MAP4K3: variants seen among roughly 807,000 people sequenced by gnomAD.
MAP4K3 encodes the protein MAPK/ERK kinase kinase kinase 3.
A neutral mutation model predicts 143.5 loss-of-function variants in MAP4K3; 94 were observed. The observed-to-expected ratio is 0.65, with a 90% confidence interval of 0.55 to 0.78. The LOEUF (loss-of-function observed/expected upper bound fraction) is 0.78, where lower values mean the gene tolerates loss of function less well. Ranked by LOEUF, MAP4K3 falls within the 30% of genes least tolerant of loss-of-function variation. MAP4K3 has a pLI of 0.00. For synonymous variants in MAP4K3, 416 were observed against 347.2 expected (o/e 1.20, Z -2.20); for missense variants, 1,077 against 1,068.1 (o/e 1.01, Z -0.12).
chr2:39,429,975 C>G (rs1198968352), intron 1 of MAP4K3, among the ~76,000 whole-genome samples: 4 of 152,148 alleles, frequency 2.6e-5, no homozygotes, highest in African/African-American at 4.8e-5. Context: ...ATACAAAGTT[C>G]TAAAAGAGCT....
intron 32 of MAP4K3, 55 bp downstream of exon 32, chr2:39,254,391 CTGTT>C (rs1680266013): frequency 1.5e-6 from 2 of 1,318,226 alleles, no homozygotes; most frequent in Non-Finnish European, 2.2e-6. Flanking sequence ...AGGAATCGAA[CTGTT>C]TGAAGTGGAA....
intron 1 of MAP4K3, among the ~76,000 whole-genome samples, chr2:39,430,957 C>T (rs1572519963): frequency 6.6e-6 from 1 of 152,260 alleles, no homozygotes; most frequent in Non-Finnish European, 1.5e-5. Context: ...GTTTGTTCCT[C>T]TCGTGTTGGT....
intron 1 of MAP4K3, among the ~76,000 whole-genome samples, chr2:39,413,073 C>A (rs1434183292): frequency 1.3e-5 from 2 of 152,140 alleles, no homozygotes; most frequent in African/African-American, 4.8e-5. Flanking sequence ...TATAAAATGT[C>A]AAGCTTTTTG....
intron 20 of MAP4K3, among the ~76,000 whole-genome samples, chr2:39,287,175 T>C (rs1305746336): frequency 6.6e-6 from 1 of 152,236 alleles, no homozygotes; most frequent in Non-Finnish European, 1.5e-5. Context: ...TTAGGCAAAT[T>C]TAAATTCAGG....
chr2:39,320,611 A>G (rs1477737913), intron 12 of MAP4K3, among the ~76,000 whole-genome samples: 1 of 151,954 alleles, frequency 6.6e-6, no homozygotes, highest in Non-Finnish European at 1.5e-5. Flanking sequence ...AACTTCATAC[A>G]GGAATATTCT....
chr2:39,371,852 CATCT>C (rs931113377), intron 2 of MAP4K3, among the ~76,000 whole-genome samples: 12 of 151,186 alleles, frequency 7.9e-5, no homozygotes, highest in South Asian at 6.3e-4. Context: ...CATACACACA[CATCT>C]ATCTATATAC....
At chr2:39,432,829 A>G (rs968659607) in intron 1 of MAP4K3, among the ~76,000 whole-genome samples, 3 of 152,246 alleles carry the variant, frequency 2.0e-5, no homozygotes, top group African/African-American at 7.2e-5. Context: ...ATCTATTTAC[A>G]CAGACTACGA....
intron 4 of MAP4K3, among the ~76,000 whole-genome samples, 171 bp from the exon 5 acceptor site, chr2:39,337,752 G>GTTTTTTTTTTTTTTTTTTT (rs570853243): frequency 1.4e-5 from 1 of 70,512 alleles, no homozygotes; most frequent in Non-Finnish European, 2.4e-5. Context: ...CCTGGCTCCA[G>GTTTTTTTTTTTTTTTTTTT]TTTTTTTTTT....
intron 24 of MAP4K3, among the ~76,000 whole-genome samples, chr2:39,275,091 GT>G (rs1354158903): frequency 2.0e-5 from 3 of 152,102 alleles, no homozygotes; most frequent in African/African-American, 7.2e-5. Flanking sequence ...GAAGGGCAAT[GT>G]TTCAAAAAAA....
At chr2:39,430,078 T>C (rs59896787) in intron 1 of MAP4K3, among the ~76,000 whole-genome samples, 4,581 of 152,278 alleles carry the variant, frequency 0.03, 235 homozygotes, top group African/African-American at 0.1. Flanking sequence ...CTCATGCTGC[T>C]AATAAAGACA....
At chr2:39,310,042 T>C (rs1273718427) in intron 13 of MAP4K3, among the ~76,000 whole-genome samples, 1 of 152,188 alleles carries the variant, frequency 6.6e-6, no homozygotes, top group Non-Finnish European at 1.5e-5. Flanking sequence ...GATACACGTG[T>C]ACAATGTGTA....
chr2:39,254,849 G>C (rs1240625565), intron 31 of MAP4K3, among the ~76,000 whole-genome samples: 3 of 152,082 alleles, frequency 2.0e-5, no homozygotes, highest in Non-Finnish European at 4.4e-5. Flanking sequence ...CAAAGTGCCA[G>C]GGTTAAAGCC....
rs960117783 is a variant in MAP4K3, at chr2:39,318,910, T to C, written c.919-3522A>G. 2.6e-5 allele frequency among the ~76,000 whole-genome samples: 4 copies of C among 152,134 alleles called. No homozygotes were observed. In the South Asian group the frequency reaches 8.3e-4, roughly 31 times the overall value. On this transcript the variant is annotated intron_variant, in intron 12 of 33. Transcript: ENST00000263881. ...ACATAGACAGTATGATAAATCCTAG[T>C]TGACATAAGCCAGTGGTTTTTGACC...
intron 13 of MAP4K3, among the ~76,000 whole-genome samples, chr2:39,313,737 T>C (rs1683021482): frequency 6.6e-6 from 1 of 152,134 alleles, no homozygotes; most frequent in African/African-American, 2.4e-5. Flanking sequence ...GGTCTCCAGC[T>C]CCTGACCTCA....
At chr2:39,346,212 G>A (rs1460530604) in intron 3 of MAP4K3, among the ~76,000 whole-genome samples, 1 of 152,036 alleles carries the variant, frequency 6.6e-6, no homozygotes, top group African/African-American at 2.4e-5. Flanking sequence ...TCCTTTATTT[G>A]ATCACTGTAT....
intron 4 of MAP4K3, among the ~76,000 whole-genome samples, chr2:39,342,180 C>T (rs1178408255): frequency 6.6e-6 from 1 of 150,978 alleles, no homozygotes; most frequent in Non-Finnish European, 1.5e-5. Context: ...GTTCTGTTGC[C>T]CAGGCTGTAG....
chr2:39,275,673 T>C (rs1238030577), intron 24 of MAP4K3, among the ~76,000 whole-genome samples: 3 of 152,176 alleles, frequency 2.0e-5, no homozygotes, highest in African/African-American at 7.2e-5. Flanking sequence ...CAAGATCCTT[T>C]TCCTCCCTTT....
chr2:39,250,547 TC>T lies in MAP4K3; in HGVS notation c.*70del. ...AGGTTACTGCAGCTTTTGTACAGCT[TC>T]AAGCATCCATTAATGTTGCAGTGGT... On this transcript the variant is annotated 3_prime_UTR_variant, in exon 34 of 34. Transcript: ENST00000263881. 7.2e-7 allele frequency: 1 copy of T among 1,390,252 alleles called. No individual in the cohort carries two copies. The allele number at this position is 1,390,252 out of a possible 1,614,324, so 86.1% of individuals were successfully genotyped here. A position where few individuals can be genotyped will look rare whatever the true frequency, so the allele number is the denominator to read the frequency against.
chr2:39,288,377 C>G (rs1681888949), intron 19 of MAP4K3, 97 bp from the exon 20 acceptor site: 8 of 1,077,796 alleles, frequency 7.4e-6, no homozygotes, highest in East Asian at 7.4e-5. Flanking sequence ...ATTATTTCTA[C>G]TATACATTAG....
Sources: gnomAD v4.1 joint callset for allele counts (sites outside exome capture counted in the v4.1 genomes callset) on GRCh38, gnomAD v4.1.1 for gene constraint, MANE v1.5 for transcripts, NCBI Gene and HGNC (gene_info 2026-07-23, HGNC 2026-07-21) for gene names.